Variants in CSMD3 observed in about 807,000 individuals in gnomAD.
The protein encoded by CSMD3 is CUB and sushi domain-containing protein 3.
CSMD3 carries 177 observed loss-of-function variants against 435.2 expected under a neutral mutation model. That is an observed-to-expected ratio of 0.41 (90% CI 0.36 to 0.46). CSMD3 has a LOEUF of 0.46. CSMD3 is among the 20% of genes least tolerant of loss of function. The pLI, the probability that CSMD3 is intolerant of heterozygous loss-of-function variation, is 0.34. For missense variants in CSMD3, 4,265 were observed against 4,504.6 expected (o/e 0.95, Z 1.52); for synonymous variants, 1,656 against 1,520.5 (o/e 1.09, Z -2.07).
At chr8:113,336,824 G>A (rs189111503) in intron 1 of CSMD3, among the ~76,000 whole-genome samples, 3 of 152,206 alleles carry the variant, frequency 2.0e-5, no homozygotes, top group African/African-American at 4.8e-5. Flanking sequence ...CTGCAGTACA[G>A]GGGGTCTCAT....
intron 13 of CSMD3, among the ~76,000 whole-genome samples, chr8:112,725,315 C>A (rs1353158235): frequency 6.6e-6 from 1 of 151,850 alleles, no homozygotes; most frequent in Non-Finnish European, 1.5e-5. Flanking sequence ...AAAGGAGTAG[C>A]TTTAGATAGA....
intron 2 of CSMD3, among the ~76,000 whole-genome samples, chr8:113,284,712 T>A (rs1232975505): frequency 6.6e-6 from 1 of 152,242 alleles, no homozygotes; most frequent in Non-Finnish European, 1.5e-5. Flanking sequence ...TACTATTTTA[T>A]AGATAAGTAT....
At chr8:112,326,802 G>A (rs112724991) in intron 45 of CSMD3, among the ~76,000 whole-genome samples, 2,014 of 152,238 alleles carry the variant, frequency 0.013, 46 homozygotes, top group African/African-American at 0.046. Context: ...ACCACTTGAG[G>A]TCAGGAGTTT....
In CSMD3 at chr8:112,763,682, G is replaced by A. The variant is rs138984751; in HGVS notation, c.1972+36480C>T. 8.5e-4 allele frequency among the ~76,000 whole-genome samples: 128 copies of A among 149,972 alleles called. 3 individuals are homozygous for A. The East Asian group carries it at 0.024, about 28-fold the overall frequency. On this transcript the variant is annotated intron_variant, in intron 13 of 70. Coordinates refer to ENST00000297405, the MANE Select transcript of CSMD3 (RefSeq NM_198123.2). The stretch of plus-strand genomic sequence containing the variant: ...TTACTTCGTGTTAAAAGAAAATGGA[G>A]TTTGCTATTATAATTTTTTTTTATT...
chr8:113,416,133 T>C (rs2094580780), intron 1 of CSMD3, among the ~76,000 whole-genome samples: 1 of 152,124 alleles, frequency 6.6e-6, no homozygotes, highest in South Asian at 2.1e-4. Context: ...ATGCATAAAT[T>C]TAAATCATCA....
chr8:112,662,766 T>A (rs1586917397), intron 17 of CSMD3, among the ~76,000 whole-genome samples: 1 of 152,118 alleles, frequency 6.6e-6, no homozygotes, highest in South Asian at 2.1e-4. Context: ...ATTTTTGCAA[T>A]CTACTCATCT....
At chr8:113,036,856 T>G (rs1426320061) in intron 5 of CSMD3, among the ~76,000 whole-genome samples, 1 of 152,076 alleles carries the variant, frequency 6.6e-6, no homozygotes, top group Non-Finnish European at 1.5e-5. Flanking sequence ...AAAAATTCCC[T>G]CGTTTTCTCA....
At chr8:113,364,258 T>A (rs4626635) in intron 1 of CSMD3, among the ~76,000 whole-genome samples, 97,988 of 151,382 alleles carry the variant, frequency 0.65, 32,293 homozygotes, top group East Asian at 0.75. Context: ...TTTTTTTTTT[T>A]AAAAAGGATC....
At position 112,600,653 on chromosome 8, in the gene CSMD3, T is replaced by C. The variant is rs189280414; in HGVS notation, c.3716-13418A>G. The stretch of plus-strand genomic sequence containing the variant: ...ATCCTGAGAGTAAGGAAACATGTCA[T>C]AATATTTCTTATATCTCATGATTTT... On this transcript the variant is annotated intron_variant, in intron 22 of 70. Transcript: ENST00000297405. Among the ~76,000 whole-genome samples the C allele has an allele frequency of 1.3e-4, 20 of 152,230 alleles. No individual in the cohort carries two copies. The East Asian group carries it at 3.9e-3, about 29-fold the overall frequency.
chr8:113,127,088 T>C (rs2091154803), intron 4 of CSMD3, among the ~76,000 whole-genome samples: 1 of 152,054 alleles, frequency 6.6e-6, no homozygotes, highest in African/African-American at 2.4e-5. Flanking sequence ...TATAAATTTA[T>C]ATATTATACA....
chr8:112,462,690 A>G (rs570787131), intron 32 of CSMD3, among the ~76,000 whole-genome samples: 2 of 152,342 alleles, frequency 1.3e-5, no homozygotes, highest in African/African-American at 4.8e-5. Context: ...TATATATGAT[A>G]CACACGTATA....
At chr8:112,383,231 C>A (rs1361013405) in intron 37 of CSMD3, among the ~76,000 whole-genome samples, 1 of 152,018 alleles carries the variant, frequency 6.6e-6, no homozygotes, top group South Asian at 2.1e-4. Flanking sequence ...AAAGCACAGT[C>A]TAATTTTTAA....
rs148119661 is a variant in CSMD3, at chr8:112,623,007, G to C, written c.3715+13810C>G. ...GAGTTTTTCTATCTGAGTCCATATGGACTATTACAGGGCTGCTGTTCATTA... is the reference window on the plus strand; with the variant it reads ...GAGTTTTTCTATCTGAGTCCATATGCACTATTACAGGGCTGCTGTTCATTA... On this transcript the variant is annotated intron_variant, in intron 22 of 70. Coordinates refer to ENST00000297405, the MANE Select transcript of CSMD3 (RefSeq NM_198123.2). 2.6e-3 allele frequency among the ~76,000 whole-genome samples: 398 copies of C among 152,106 alleles called. 2 individuals are homozygous for C. Among genetic ancestry groups the C allele is most frequent in the African/African-American group, 9.0e-3 (374 of 41,482 alleles).
chr8:112,890,923 C>T (rs11985714), intron 10 of CSMD3, among the ~76,000 whole-genome samples: 97,455 of 151,434 alleles, frequency 0.64, 32,691 homozygotes, highest in East Asian at 0.83. Context: ...TGTCTTATTA[C>T]TTATTCATAT....
intron 2 of CSMD3, among the ~76,000 whole-genome samples, chr8:113,300,822 A>T (rs1335583845): frequency 1.3e-5 from 2 of 152,106 alleles, no homozygotes; most frequent in African/African-American, 2.4e-5. Flanking sequence ...CTGCACATAT[A>T]TCCTCTGAAT....
At chr8:112,247,581 A>G (rs557364180) in intron 63 of CSMD3, among the ~76,000 whole-genome samples, 2 of 152,282 alleles carry the variant, frequency 1.3e-5, no homozygotes, top group South Asian at 4.1e-4. Flanking sequence ...GAGATTAGAG[A>G]CAAAGGTGGT....
chr8:112,948,930 G>T (rs759753364), intron 8 of CSMD3, among the ~76,000 whole-genome samples: 1 of 151,958 alleles, frequency 6.6e-6, no homozygotes, highest in Non-Finnish European at 1.5e-5. Flanking sequence ...ATTTTAAAGA[G>T]ACAGGGTCTT....
intron 1 of CSMD3, among the ~76,000 whole-genome samples, chr8:113,401,124 T>C (rs2094508245): frequency 6.6e-6 from 1 of 151,724 alleles, no homozygotes; most frequent in Admixed American, 6.6e-5. Context: ...TCAATTAAGA[T>C]AGAAGCCAAG....
chr8:112,580,451 C>T (rs1830258314), intron 23 of CSMD3, among the ~76,000 whole-genome samples: 2 of 149,476 alleles, frequency 1.3e-5, no homozygotes, highest in Admixed American at 6.7e-5. Flanking sequence ...AATAGAATGC[C>T]AATAATTAGA....
Sources: allele counts gnomAD v4.1 joint callset (sites outside exome capture counted in the v4.1 genomes callset), GRCh38; gene constraint gnomAD v4.1.1; transcripts MANE v1.5; gene names NCBI Gene and HGNC (gene_info 2026-07-23, HGNC 2026-07-21).